Variants in TTYH2 observed in about 807,000 individuals in gnomAD.
TTYH2 encodes the protein tweety family member 2.
A neutral mutation model predicts 68.3 loss-of-function variants in TTYH2; 49 were observed. The ratio of observed to expected loss-of-function variants is 0.72; its 90% CI spans 0.57 to 0.91. The LOEUF is 0.91. TTYH2 is among the 40% of genes least tolerant of loss of function. TTYH2 has a pLI of 0.00. For missense variants in TTYH2, 631 were observed against 700.4 expected (o/e 0.90, Z 1.12); for synonymous variants, 272 against 300.8 (o/e 0.90, Z 0.99).
Position 74,252,289 on chromosome 17 carries a change from A to G in TTYH2, c.1172A>G (p.Tyr391Cys), listed in dbSNP as rs1598232859. Residue 391 changes from tyrosine to cysteine, a missense_variant, in exon 11 of 14, where the codon TAC (tyrosine) becomes TGC (cysteine). By Grantham distance (194) the Tyr-to-Cys change is radical. Coordinates refer to ENST00000269346, the MANE Select transcript of TTYH2 (RefSeq NM_032646.6). ...ICYDGLQGLL[Y>C]LGLFSFLAAL... ...TACGACGGCCTCCAGGGCTTGCTGT[A>G]CCTTGGCCTCTTCTCCTTCCTGGCC... 6.2e-7 allele frequency: 1 copy of G among 1,613,804 alleles called. No homozygotes were observed. The highest frequency in any genetic ancestry group is 8.5e-7 in the Non-Finnish European group (1 of 1,180,020).
intron 4 of TTYH2, among the ~76,000 whole-genome samples, chr17:74,238,352 G>A (rs1033345878): frequency 2.6e-5 from 4 of 152,156 alleles, no homozygotes; most frequent in East Asian, 3.8e-4. Flanking sequence ...GGGCCTAAGC[G>A]TGGAGGAGGC....
chr17:74,249,836 A>G (rs2050600436), intron 8 of TTYH2, 100 bp from the exon 9 acceptor site: 4 of 1,209,164 alleles, frequency 3.3e-6, no homozygotes. Flanking sequence ...GCAGGAGCAT[A>G]GGCCCCTCAG....
intron 13 of TTYH2, among the ~76,000 whole-genome samples, chr17:74,256,438 C>T (rs1336188085): frequency 2.0e-5 from 3 of 152,148 alleles, no homozygotes; most frequent in Admixed American, 2.0e-4. Flanking sequence ...CAGCAGCATC[C>T]CTGGCCTCTA....
Position 74,250,370 on chromosome 17 carries a change from C to T in TTYH2, c.1116+13C>T. 1 of 1,609,462 alleles carries T rather than the reference C, an allele frequency of 6.2e-7. No individual in the cohort carries two copies. The highest frequency in any genetic ancestry group is 8.5e-7 in the Non-Finnish European group (1 of 1,177,026). On this transcript the variant is annotated intron_variant, in intron 10 of 13. Coordinates refer to ENST00000269346, the MANE Select transcript of TTYH2 (RefSeq NM_032646.6). ...AGGGCTGCACAAGGTGCATGGGGAC[C>T]CTGGGGTCACGTGGAGAGTGTGAGG...
At chr17:74,230,118 G>A (rs577956919) in intron 2 of TTYH2, among the ~76,000 whole-genome samples, 23 of 152,156 alleles carry the variant, frequency 1.5e-4, no homozygotes, top group East Asian at 7.7e-4. Context: ...GCAACAGAGC[G>A]AAACTCTGTC....
At chr17:74,233,729 G>A (rs927367551) in intron 3 of TTYH2, among the ~76,000 whole-genome samples, 9 of 152,182 alleles carry the variant, frequency 5.9e-5, no homozygotes. Flanking sequence ...TTGGTGGGTA[G>A]GGGCGGTGGT....
chr17:74,220,590 G>A (rs2050265826), intron 1 of TTYH2, among the ~76,000 whole-genome samples: 1 of 152,198 alleles, frequency 6.6e-6, no homozygotes, highest in Admixed American at 6.5e-5. Context: ...GAAGGGGCAT[G>A]GACTGAGGAC....
intron 3 of TTYH2, among the ~76,000 whole-genome samples, chr17:74,233,410 A>T (rs2050409794): frequency 6.6e-6 from 1 of 152,230 alleles, no homozygotes; most frequent in Non-Finnish European, 1.5e-5. Context: ...AAGTGCTGGT[A>T]GACTGTAAAG....
At chr17:74,252,508 GC>G in intron 11 of TTYH2, 132 bp downstream of exon 11, 1 of 1,162,084 alleles carries the variant, frequency 8.6e-7, no homozygotes, top group Non-Finnish European at 1.2e-6. Context: ...CGGGCATTCA[GC>G]CCAACAGGCT....
At position 74,241,296 on chromosome 17, in the gene TTYH2, T is replaced by TGTGTGTGTGTGTGCGC. The variant is rs59096145; in HGVS notation, c.636-2077_636-2076insTGTGTGTGTGTGCGCG. Among the ~76,000 whole-genome samples the TGTGTGTGTGTGTGCGC allele has an allele frequency of 6.8e-5, 10 of 146,254 alleles. No individual in the cohort carries two copies. Among genetic ancestry groups the TGTGTGTGTGTGTGCGC allele is most frequent in the African/African-American group, 2.3e-4 (9 of 39,648 alleles). On this transcript the variant is annotated intron_variant, in intron 4 of 13. Coordinates refer to ENST00000269346, the MANE Select transcript of TTYH2 (RefSeq NM_032646.6). The surrounding 1 kb of genome is among the most constrained non-coding windows in gnomAD (Gnocchi z 4.1). ...GTGTGTGTGTGTGTGTGTGTGTGTG[T>TGTGTGTGTGTGTGCGC]GCGTGTAAAAATAAGAATGTGATCC... is the stretch of plus-strand genomic sequence containing the variant.
intron 8 of TTYH2, among the ~76,000 whole-genome samples, 172 bp from the exon 9 acceptor site, chr17:74,249,764 G>A (rs1244998982): frequency 1.3e-5 from 2 of 151,208 alleles, no homozygotes; most frequent in Non-Finnish European, 3.0e-5. Context: ...AGAGGAGTAG[G>A]GGGAGACTTC....
At chr17:74,237,586 G>GTTGAGC in intron 4 of TTYH2, 72 bp downstream of exon 4, 2 of 1,361,806 alleles carry the variant, frequency 1.5e-6, no homozygotes, top group Middle Eastern at 1.9e-4. Flanking sequence ...AAACCTGCAT[G>GTTGAGC]TTGAGCTCCA....
Position 74,246,291 on chromosome 17 carries a change from T to TCCCTTCAC in TTYH2, c.804+2249_804+2256dup, listed in dbSNP as rs1234977461. On this transcript the variant is annotated intron_variant, in intron 6 of 13. Coordinates refer to ENST00000269346, the MANE Select transcript of TTYH2 (RefSeq NM_032646.6). ...AGCCACCCTGTCTGGGCCCACATCCTCCCTTCACCCCTTCCCAGCAGTGGA... is the reference window on the plus strand; with the variant it reads ...AGCCACCCTGTCTGGGCCCACATCCTCCCTTCACCCCTTCACCCCTTCCCAGCAGTGGA... 2.6e-5 allele frequency among the ~76,000 whole-genome samples: 4 copies of TCCCTTCAC among 152,074 alleles called. No individual in the cohort carries two copies. In the East Asian group the frequency reaches 7.7e-4, roughly 29 times the overall value.
At chr17:74,256,441 G>A (rs1163669229) in intron 13 of TTYH2, among the ~76,000 whole-genome samples, 1 of 152,008 alleles carries the variant, frequency 6.6e-6, no homozygotes, top group Non-Finnish European at 1.5e-5. Context: ...CAGCATCCCT[G>A]GCCTCTACCT....
intron 6 of TTYH2, among the ~76,000 whole-genome samples, chr17:74,247,432 C>T (rs1471047132): frequency 6.6e-6 from 1 of 152,180 alleles, no homozygotes; most frequent in Non-Finnish European, 1.5e-5. Flanking sequence ...CTGAGTCCCA[C>T]ACCCCAAACC....
Position 74,213,790 on chromosome 17 carries a change from C to A in TTYH2, c.129+74C>A. On this transcript the variant is annotated intron_variant, in intron 1 of 13. Transcript: ENST00000269346. This position sits in a 1 kb window ranked among gnomAD's most constrained non-coding sequence, Gnocchi z 6.1. ...GCACTACCCCCTCTCCCCTCGAGAG[C>A]CTGCACTTTCCCACGTGCCTCTCAG... The A allele has an allele frequency of 6.5e-7, 1 of 1,539,374 alleles. No homozygotes were observed. Among genetic ancestry groups the A allele is most frequent in the Non-Finnish European group, 8.8e-7 (1 of 1,133,868 alleles).
intron 10 of TTYH2, chr17:74,251,956 C>T (rs775953801): frequency 4.9e-6 from 2 of 411,070 alleles, no homozygotes; most frequent in Admixed American, 7.7e-5. Flanking sequence ...GTCTCTGGTT[C>T]CCCACCCTGC....
At chr17:74,238,257 G>T (rs199947010) in intron 4 of TTYH2, among the ~76,000 whole-genome samples, 1 of 152,206 alleles carries the variant, frequency 6.6e-6, no homozygotes, top group Non-Finnish European at 1.5e-5. Context: ...ATGGGGGGTT[G>T]AGGAGATGAG....
intron 10 of TTYH2, chr17:74,252,020 T>C: frequency 1.7e-6 from 1 of 596,868 alleles, no homozygotes; most frequent in South Asian, 2.0e-5. Flanking sequence ...TCACAGTAAG[T>C]GCTCAGCAAA....
Sources: allele counts gnomAD v4.1 joint callset (sites outside exome capture counted in the v4.1 genomes callset), GRCh38; gene constraint gnomAD v4.1.1; non-coding constraint Gnocchi (gnomAD v3.1); transcripts MANE v1.5; gene names NCBI Gene and HGNC (gene_info 2026-07-23, HGNC 2026-07-21).